CHD1: variants seen among roughly 807,000 people sequenced by gnomAD.
The protein encoded by CHD1 is chromodomain helicase DNA binding protein 1, also known as ATP-dependent chromatin remodeler CHD1.
A neutral mutation model predicts 224.2 loss-of-function variants in CHD1; 36 were observed. That is an observed-to-expected ratio of 0.16 (90% CI 0.12 to 0.21). CHD1 has a LOEUF of 0.21. Ranked by LOEUF, CHD1 falls within the 10% of genes least tolerant of loss-of-function variation. CHD1 has a pLI of 1.00. For synonymous variants in CHD1, 668 were observed against 658.3 expected (o/e 1.01, Z -0.23); for missense variants, 1,378 against 1,994.8 (o/e 0.69, Z 5.89).
intron 24 of CHD1, among the ~76,000 whole-genome samples, chr5:98,876,091 TTAAAAATCAAATGCATCAAAAC>T (rs1414194974): frequency 1.3e-5 from 2 of 152,178 alleles, no homozygotes; most frequent in Non-Finnish European, 2.9e-5. Context: ...GTGAGAATTT[TTAAAAATCAAATGCATCAAAAC>T]TACTTTTATT....
chr5:98,909,314 A>G (rs1008702938), intron 2 of CHD1, among the ~76,000 whole-genome samples: 12 of 152,130 alleles, frequency 7.9e-5, no homozygotes, highest in African/African-American at 2.9e-4. Context: ...TAAACTGGCT[A>G]TTATATCTAG....
At chr5:98,923,627 T>A (rs1409929044) in intron 2 of CHD1, among the ~76,000 whole-genome samples, 4 of 152,204 alleles carry the variant, frequency 2.6e-5, no homozygotes. Context: ...TTGGTCAAGG[T>A]GGTCTCGAAC....
Position 98,903,653 on chromosome 5 carries a change from G to C in CHD1, c.372+139C>G. ...GGATAATGCAAAATCTGTATTTCAAGATTCTTGATATATACACTTAAAGTA... is the reference window on the plus strand; with the variant it reads ...GGATAATGCAAAATCTGTATTTCAACATTCTTGATATATACACTTAAAGTA... On this transcript the variant is annotated intron_variant, in intron 4 of 35. Transcript: ENST00000614616. 5 of 706,600 alleles carry C rather than the reference G, an allele frequency of 7.1e-6. No individual in the cohort carries two copies. In the South Asian group the frequency reaches 8.1e-5, roughly 11 times the overall value. 43.8% of individuals were successfully genotyped at this position (706,600 alleles called of 1,614,324 possible).
intron 5 of CHD1, among the ~76,000 whole-genome samples, chr5:98,902,126 T>C (rs1250754432): frequency 6.6e-6 from 1 of 152,060 alleles, no homozygotes; most frequent in African/African-American, 2.4e-5. Context: ...GTTTCCGTTG[T>C]GTATTTTTAT....
intron 12 of CHD1, 113 bp from the exon 13 acceptor site, chr5:98,894,799 T>C (rs1751240658): frequency 1.9e-6 from 1 of 513,062 alleles, no homozygotes. Flanking sequence ...TATTAATATA[T>C]GTTTATGTAA....
intron 31 of CHD1, among the ~76,000 whole-genome samples, chr5:98,864,508 A>G (rs1372097722): frequency 8.6e-6 from 1 of 115,858 alleles, no homozygotes; most frequent in African/African-American, 3.5e-5. Flanking sequence ...TGAGATCCTG[A>G]TTCTATACCA....
At position 98,901,263 on chromosome 5, in the gene CHD1, T is replaced by C. The variant is rs1751689778; in HGVS notation, c.510A>G (p.Arg170=). ...CTGTTTCATCACAACTGCTTTTCTC[T>C]CTCTCTTCTTCAGATTCTGAATCTG... is the stretch of plus-strand genomic sequence containing the variant. ...SGSDSESEEE[R]EKSSCDETES... Residue 170 remains arginine, a synonymous_variant, in exon 6 of 36, where the codon AGA becomes AGG. Coordinates refer to ENST00000614616, the MANE Select transcript of CHD1 (RefSeq NM_001270.4). 3 of 1,613,980 alleles carry C rather than the reference T, an allele frequency of 1.9e-6. No individual in the cohort carries two copies. Among genetic ancestry groups the C allele is most frequent in the Non-Finnish European group, 2.5e-6 (3 of 1,179,952 alleles).
Position 98,879,543 on chromosome 5 carries a change from C to T in CHD1, c.3237+9G>A. The T allele has an allele frequency of 1.3e-6, 2 of 1,578,404 alleles. No individual in the cohort carries two copies. The highest frequency in any genetic ancestry group is 1.2e-5 in the South Asian group (1 of 83,902). On this transcript the variant is annotated intron_variant, in intron 23 of 35. Coordinates refer to ENST00000614616, the MANE Select transcript of CHD1 (RefSeq NM_001270.4). ...CTTTATAGAAATATCTTTAAAATTG[C>T]AAAATCACCTGTTTTGCACAATTTC...
intron 18 of CHD1, among the ~76,000 whole-genome samples, chr5:98,883,660 G>T (rs994763118): frequency 1.3e-5 from 2 of 151,310 alleles, no homozygotes; most frequent in Non-Finnish European, 2.9e-5. Flanking sequence ...TTGTACACAC[G>T]ATTACAGCAG....
intron 19 of CHD1, 97 bp downstream of exon 19, chr5:98,882,991 A>T: frequency 2.5e-6 from 2 of 793,154 alleles, no homozygotes; most frequent in Admixed American, 3.8e-5. Flanking sequence ...TGACTGTTAC[A>T]GTGATCTTAT....
At chr5:98,916,365 G>A (rs1178951969) in intron 2 of CHD1, among the ~76,000 whole-genome samples, 3 of 151,464 alleles carry the variant, frequency 2.0e-5, no homozygotes, top group African/African-American at 7.3e-5. Context: ...GACCACCATG[G>A]AGAAATCCTG....
intron 2 of CHD1, among the ~76,000 whole-genome samples, chr5:98,906,920 G>A (rs1022881009): frequency 2.0e-5 from 3 of 152,176 alleles, no homozygotes; most frequent in Non-Finnish European, 4.4e-5. Context: ...GGATATTTAT[G>A]AAACTCAATT....
At chr5:98,868,331 GAAAAAAAAA>G (rs58475767) in intron 31 of CHD1, among the ~76,000 whole-genome samples, 155 bp downstream of exon 31, 1 of 91,686 alleles carries the variant, frequency 1.1e-5, no homozygotes, top group Non-Finnish European at 2.3e-5. Flanking sequence ...ACTCAAAAAA[GAAAAAAAAA>G]AAAAAAAAAA....
intron 30 of CHD1, chr5:98,869,120 T>G: frequency 1.1e-6 from 1 of 939,652 alleles, no homozygotes; most frequent in Non-Finnish European, 1.3e-6. Flanking sequence ...CTCTTTTTCT[T>G]TTATCTCCCT....
chr5:98,884,677 A>G (rs1031131119), intron 18 of CHD1, among the ~76,000 whole-genome samples: 10 of 152,012 alleles, frequency 6.6e-5, no homozygotes, highest in African/African-American at 2.4e-4. Context: ...AATTTTTTTT[A>G]AAGGAAAGTG....
intron 31 of CHD1, among the ~76,000 whole-genome samples, chr5:98,864,587 CAGG>C (rs1323024967): frequency 1.3e-5 from 2 of 149,394 alleles, no homozygotes; most frequent in African/African-American, 2.5e-5. Context: ...CCCAGCTACT[CAGG>C]AGGTCAAGGT....
At chr5:98,869,330 T>G (rs1296817405) in intron 30 of CHD1, 3 of 900,758 alleles carry the variant, frequency 3.3e-6, no homozygotes, top group East Asian at 1.2e-4. Context: ...TAACAACGAC[T>G]AATTTTTCTT....
chr5:98,887,280 T>G (rs1174830739), intron 17 of CHD1, among the ~76,000 whole-genome samples: 1 of 152,166 alleles, frequency 6.6e-6, no homozygotes, highest in Non-Finnish European at 1.5e-5. Flanking sequence ...TTCACAACAC[T>G]TACCAGAATT....
Position 98,914,305 on chromosome 5 carries a change from G to C in CHD1, c.54-9207C>G, listed in dbSNP as rs567571355. 1.9e-3 allele frequency among the ~76,000 whole-genome samples: 292 copies of C among 152,288 alleles called. 2 individuals carry two copies. The highest frequency in any genetic ancestry group is 6.7e-3 in the African/African-American group (277 of 41,550). ...CCAAAGGTTTGAACTCCCTTACCTA[G>C]GAGTGAAAGAGAAGTAGTTATATTT... is the stretch of plus-strand genomic sequence containing the variant. On this transcript the variant is annotated intron_variant, in intron 2 of 35. Coordinates refer to ENST00000614616, the MANE Select transcript of CHD1 (RefSeq NM_001270.4).
Sources: gnomAD v4.1 joint callset for allele counts (sites outside exome capture counted in the v4.1 genomes callset) on GRCh38, gnomAD v4.1.1 for gene constraint, MANE v1.5 for transcripts, NCBI Gene and HGNC (gene_info 2026-07-23, HGNC 2026-07-21) for gene names.